The following MEI4 variants were observed in gnomAD, a reference collection of about 807,000 sequenced individuals.
The protein encoded by MEI4 is meiotic double-stranded break formation protein 4.
Under a neutral mutation model 31.4 loss-of-function variants are expected in MEI4, and 27 were observed. That is an observed-to-expected ratio of 0.86 (90% CI 0.63 to 1.19). MEI4 has a LOEUF of 1.19. MEI4 is among the 50% of genes most tolerant of loss of function. The pLI is 0.00. For synonymous variants in MEI4, 122 were observed against 145.4 expected, an observed-to-expected ratio of 0.84 and a Z score of 1.16; for missense variants, 329 against 398.9, an observed-to-expected ratio of 0.82 and a Z score of 1.49.
At chr6:77,750,950 AG>A (rs1767755691) in intron 2 of MEI4, among the ~76,000 whole-genome samples, 1 of 152,254 alleles carries the variant, frequency 6.6e-6, no homozygotes, top group African/African-American at 2.4e-5. Flanking sequence ...ATTAGAACTC[AG>A]GATTAAGAAA....
chr6:77,877,256 T>TGG (rs35142731), intron 4 of MEI4, among the ~76,000 whole-genome samples: 1 of 151,828 alleles, frequency 6.6e-6, no homozygotes, highest in South Asian at 2.1e-4. Flanking sequence ...TGTGTGTGTG[T>TGG]GGGTATGTGT....
intron 4 of MEI4, among the ~76,000 whole-genome samples, chr6:77,833,687 T>C (rs1770136224): frequency 6.6e-6 from 1 of 151,940 alleles, no homozygotes; most frequent in African/African-American, 2.4e-5. Flanking sequence ...GTTACATAGG[T>C]ATACATGCGC....
At chr6:77,905,475 CTTTTTTT>C (rs70974691) in intron 4 of MEI4, among the ~76,000 whole-genome samples, 6 of 93,344 alleles carry the variant, frequency 6.4e-5, no homozygotes, top group African/African-American at 2.3e-4. Context: ...AAATTTTCAG[CTTTTTTT>C]TTTTTTTTTT....
At chr6:77,747,141 A>C (rs1767631670) in intron 2 of MEI4, among the ~76,000 whole-genome samples, 1 of 152,022 alleles carries the variant, frequency 6.6e-6, no homozygotes, top group Non-Finnish European at 1.5e-5. Flanking sequence ...GTGAAACCTC[A>C]TCTCTACTAA....
chr6:77,745,920 A>T (rs1009990887), intron 2 of MEI4, among the ~76,000 whole-genome samples: 10 of 152,194 alleles, frequency 6.6e-5, no homozygotes, highest in Non-Finnish European at 1.3e-4. Flanking sequence ...CTTTGAAACC[A>T]ACGAGAACAA....
chr6:77,751,832 A>G (rs565893258), intron 2 of MEI4, among the ~76,000 whole-genome samples: 44 of 152,316 alleles, frequency 2.9e-4, no homozygotes, highest in Middle Eastern at 6.8e-3. Flanking sequence ...ATTTCAGGCC[A>G]ATATCCCTGA....
chr6:77,894,849 C>T (rs35989063), intron 4 of MEI4, among the ~76,000 whole-genome samples: 14,042 of 152,194 alleles, frequency 0.092, 949 homozygotes, highest in East Asian at 0.31. Flanking sequence ...ACTGATGCTT[C>T]TCCAACAAAT....
At chr6:77,881,355 G>A (rs1771485657) in intron 4 of MEI4, among the ~76,000 whole-genome samples, 1 of 151,820 alleles carries the variant, frequency 6.6e-6, no homozygotes, top group African/African-American at 2.4e-5. Context: ...CTAATGTTTA[G>A]CAAAAAAACC....
At chr6:77,788,145 C>T (rs1228934594) in intron 3 of MEI4, among the ~76,000 whole-genome samples, 1 of 151,990 alleles carries the variant, frequency 6.6e-6, no homozygotes, top group Non-Finnish European at 1.5e-5. Context: ...GAACCAATGA[C>T]AAAAACCACA....
intron 4 of MEI4, among the ~76,000 whole-genome samples, chr6:77,848,092 A>G (rs1226011312): frequency 6.6e-6 from 1 of 152,184 alleles, no homozygotes; most frequent in East Asian, 1.9e-4. Context: ...TGCATGGCAC[A>G]TATTTGGTAC....
chr6:77,726,441 C>A (rs559518906), intron 2 of MEI4, among the ~76,000 whole-genome samples: 1 of 152,148 alleles, frequency 6.6e-6, no homozygotes, highest in South Asian at 2.1e-4. Flanking sequence ...AAGAAAACTG[C>A]GGGCATGTGG....
At chr6:77,795,967 C>T (rs940494154) in intron 3 of MEI4, among the ~76,000 whole-genome samples, 3 of 152,136 alleles carry the variant, frequency 2.0e-5, no homozygotes, top group African/African-American at 4.8e-5. Flanking sequence ...AGGAAGTACT[C>T]GTCAATATCC....
At chr6:77,700,208 G>T (rs1358250557) in intron 2 of MEI4, among the ~76,000 whole-genome samples, 1 of 152,206 alleles carries the variant, frequency 6.6e-6, no homozygotes, top group Non-Finnish European at 1.5e-5. Context: ...GCCTACCGGG[G>T]CAGGCAGGCC....
At chr6:77,859,379 A>G (rs1770816165) in intron 4 of MEI4, among the ~76,000 whole-genome samples, 1 of 152,132 alleles carries the variant, frequency 6.6e-6, no homozygotes, top group Non-Finnish European at 1.5e-5. Context: ...TTGAGTAAAT[A>G]CTCAGTAACA....
chr6:77,889,244 A>G (rs1386749780), intron 4 of MEI4, among the ~76,000 whole-genome samples: 1 of 152,188 alleles, frequency 6.6e-6, no homozygotes, highest in East Asian at 1.9e-4. Flanking sequence ...GGCTGAGAAG[A>G]CAGGAAGATG....
rs148382642 is a variant in MEI4, at chr6:77,743,553, C to T, written c.233-17577C>T. Among the ~76,000 whole-genome samples, 79 of 152,294 alleles carry T rather than the reference C, an allele frequency of 5.2e-4. No individual in the cohort carries two copies. In the East Asian group the frequency reaches 9.3e-3, roughly 18 times the overall value. On this transcript the variant is annotated intron_variant, in intron 2 of 4. Coordinates refer to ENST00000684080, the MANE Select transcript of MEI4 (RefSeq NM_001322247.2). ...TGACGGGGTTTTCTAGATATACAGT[C>T]ATGTCATCTGCAAACAGGGACTTAC...
chr6:77,862,754 T>C (rs1756933044), intron 4 of MEI4, among the ~76,000 whole-genome samples: 1 of 152,168 alleles, frequency 6.6e-6, no homozygotes, highest in Non-Finnish European at 1.5e-5. Context: ...CAGCTGGGGA[T>C]CTGAGAACGG....
In MEI4 at chr6:77,788,047, T is replaced by A. The variant is rs180962963; in HGVS notation, c.768+26382T>A. Reference sequence around the variant, plus strand: ...AGTTAGGGAGGATTCCCTCTTTTTCTATTGATTGGAATAGTTTCAGAAGGA... The same window carrying A: ...AGTTAGGGAGGATTCCCTCTTTTTCAATTGATTGGAATAGTTTCAGAAGGA... On this transcript the variant is annotated intron_variant, in intron 3 of 4. Coordinates refer to ENST00000684080, the MANE Select transcript of MEI4 (RefSeq NM_001322247.2). Among the ~76,000 whole-genome samples the A allele has an allele frequency of 2.2e-4, 34 of 152,326 alleles. No homozygotes were observed. In the East Asian group the frequency reaches 4.5e-3, roughly 20 times the overall value.
At position 77,789,769 on chromosome 6, in the gene MEI4, G is replaced by C. The variant is rs568868852; in HGVS notation, c.768+28104G>C. Among the ~76,000 whole-genome samples the C allele has an allele frequency of 8.7e-4, 132 of 152,270 alleles. 1 individual carries two copies. Among genetic ancestry groups the C allele is most frequent in the African/African-American group, 3.0e-3 (125 of 41,558 alleles). On this transcript the variant is annotated intron_variant, in intron 3 of 4. Coordinates refer to ENST00000684080, the MANE Select transcript of MEI4 (RefSeq NM_001322247.2). ...GTCAGGAAACAACAGGTGCTGGAGAGGATGTGGAGAAATAGGAACACTTTT... is the reference window on the plus strand; with the variant it reads ...GTCAGGAAACAACAGGTGCTGGAGACGATGTGGAGAAATAGGAACACTTTT...
Sources: gnomAD v4.1 joint callset for allele counts (sites outside exome capture counted in the v4.1 genomes callset) on GRCh38, gnomAD v4.1.1 for gene constraint, MANE v1.5 for transcripts, NCBI Gene and HGNC (gene_info 2026-07-23, HGNC 2026-07-21) for gene names.